The following PTPRD variants were observed in gnomAD, a reference collection of about 807,000 sequenced individuals.
PTPRD encodes the protein receptor-type tyrosine-protein phosphatase delta.
A neutral mutation model predicts 214.5 loss-of-function variants in PTPRD; 34 were observed. That is an observed-to-expected ratio of 0.16 (90% CI 0.12 to 0.21). The LOEUF (loss-of-function observed/expected upper bound fraction) is 0.21, where lower values mean the gene tolerates loss of function less well. Among genes scored for constraint, PTPRD ranks in the 10% least tolerant of loss-of-function variants. PTPRD has a pLI of 1.00. For synonymous variants in PTPRD, 1,128 were observed against 845.7 expected (o/e 1.33, Z -5.79); for missense variants, 2,545 against 2,398.7 (o/e 1.06, Z -1.27).
At chr9:8,764,889 CATTTAATA>C (rs2154479385) in intron 11 of PTPRD, among the ~76,000 whole-genome samples, 1 of 151,808 alleles carries the variant, frequency 6.6e-6, no homozygotes, top group African/African-American at 2.4e-5. Context: ...AATATGTAAT[CATTTAATA>C]ATTAAACACA....
At chr9:8,421,098 T>C (rs2131580324) in intron 35 of PTPRD, among the ~76,000 whole-genome samples, 1 of 152,248 alleles carries the variant, frequency 6.6e-6, no homozygotes, top group African/African-American at 2.4e-5. Context: ...CAGTAGTAGT[T>C]AAGAGTTATA....
At chr9:8,459,415 T>C (rs779642030) in intron 33 of PTPRD, among the ~76,000 whole-genome samples, 4 of 151,948 alleles carry the variant, frequency 2.6e-5, no homozygotes, top group Admixed American at 6.6e-5. Context: ...AAAATACAAT[T>C]TGGATTGGAA....
At chr9:8,697,028 A>G (rs931729762) in intron 12 of PTPRD, among the ~76,000 whole-genome samples, 2 of 152,226 alleles carry the variant, frequency 1.3e-5, no homozygotes, top group South Asian at 4.1e-4. Context: ...GAACAACAGT[A>G]ACAGTTTCTG....
At chr9:8,507,211 T>G (rs2097560432) in intron 22 of PTPRD, 90 bp downstream of exon 22, 2 of 1,443,550 alleles carry the variant, frequency 1.4e-6, no homozygotes, top group African/African-American at 1.4e-5. Flanking sequence ...TCAATAGCTC[T>G]CTGACCAAGA....
chr9:8,330,652 C>A (rs10739155), intron 44 of PTPRD, among the ~76,000 whole-genome samples: 54,714 of 151,936 alleles, frequency 0.36, 10,310 homozygotes, highest in South Asian at 0.55. Context: ...GACTTTAAAC[C>A]TCAGCTAAGA....
chr9:9,988,953 C>A (rs1038167486), intron 4 of PTPRD, among the ~76,000 whole-genome samples: 1 of 122,346 alleles, frequency 8.2e-6, no homozygotes, highest in Admixed American at 1.1e-4. Flanking sequence ...AATGACTGTA[C>A]AACATATGTA....
chr9:9,064,581 TA>T, intron 10 of PTPRD, among the ~76,000 whole-genome samples: 1 of 152,244 alleles, frequency 6.6e-6, no homozygotes, highest in South Asian at 2.1e-4. Context: ...CATCAAGGGA[TA>T]AAAAAGTCCA....
At chr9:10,146,243 GCATA>G (rs2099022090) in intron 3 of PTPRD, among the ~76,000 whole-genome samples, 1 of 120,388 alleles carries the variant, frequency 8.3e-6, no homozygotes, top group African/African-American at 3.2e-5. Context: ...ATCCATCCAT[GCATA>G]CATACATACA....
intron 12 of PTPRD, among the ~76,000 whole-genome samples, chr9:8,671,301 C>T (rs1484092837): frequency 6.6e-6 from 1 of 151,838 alleles, no homozygotes. Context: ...ATTTAAAATA[C>T]AACTAAAGTA....
chr9:9,071,851 T>C (rs965104073), intron 10 of PTPRD, among the ~76,000 whole-genome samples: 49 of 152,154 alleles, frequency 3.2e-4, no homozygotes. Flanking sequence ...TACTCTAATA[T>C]AGAAAAGTAA....
At chr9:9,171,093 A>G (rs771873983) in intron 10 of PTPRD, among the ~76,000 whole-genome samples, 1 of 152,176 alleles carries the variant, frequency 6.6e-6, no homozygotes, top group Non-Finnish European at 1.5e-5. Flanking sequence ...AACATTACAA[A>G]TTGAAAGTCA....
chr9:8,660,125 C>T (rs2097007200), intron 12 of PTPRD, among the ~76,000 whole-genome samples: 1 of 152,290 alleles, frequency 6.6e-6, no homozygotes, highest in South Asian at 2.1e-4. Flanking sequence ...AAAAAGCAAA[C>T]ATACCCACCT....
intron 11 of PTPRD, among the ~76,000 whole-genome samples, chr9:8,781,708 C>T (rs1599602263): frequency 2.6e-5 from 4 of 152,286 alleles, no homozygotes; most frequent in African/African-American, 9.6e-5. Flanking sequence ...CTTAATCAGA[C>T]TGTGCAGGGG....
At chr9:9,658,519 T>C (rs1324319677) in intron 7 of PTPRD, among the ~76,000 whole-genome samples, 1 of 152,006 alleles carries the variant, frequency 6.6e-6, no homozygotes, top group East Asian at 1.9e-4. Context: ...GATAACTGTT[T>C]GTAAAGCTAG....
rs1179076193 is a variant in PTPRD at position 8,662,736 on chromosome 9, G to C, written c.65-25892C>G. 3.9e-5 allele frequency among the ~76,000 whole-genome samples: 6 copies of C among 152,040 alleles called. 1 individual carries two copies. Among genetic ancestry groups the C allele is most frequent in the African/African-American group, 2.4e-5 (1 of 41,376 alleles). On this transcript the variant is annotated intron_variant, in intron 12 of 45. Coordinates refer to ENST00000381196, the MANE Select transcript of PTPRD (RefSeq NM_002839.4). ...TTTTATCTGGACCCTGTAAGCATCT[G>C]AATTTGTGATTCTCAAACTTTTATC...
chr9:8,480,252 C>T (rs536883742), intron 30 of PTPRD, among the ~76,000 whole-genome samples: 2 of 152,156 alleles, frequency 1.3e-5, no homozygotes, highest in Non-Finnish European at 2.9e-5. Context: ...GACGCTCTAT[C>T]CTCTGAGTGA....
At chr9:10,185,190 C>T (rs2099324073) in intron 3 of PTPRD, among the ~76,000 whole-genome samples, 2 of 152,088 alleles carry the variant, frequency 1.3e-5, no homozygotes, top group African/African-American at 2.4e-5. Context: ...TATATGAGGT[C>T]CCAGCTGTTT....
intron 3 of PTPRD, among the ~76,000 whole-genome samples, chr9:10,236,541 T>C (rs2099629503): frequency 6.6e-6 from 1 of 151,954 alleles, no homozygotes; most frequent in Non-Finnish European, 1.5e-5. Context: ...CACATTCTAT[T>C]ATATTTGCAG....
At chr9:8,779,737 G>C (rs1181818201) in intron 11 of PTPRD, among the ~76,000 whole-genome samples, 3 of 151,706 alleles carry the variant, frequency 2.0e-5, no homozygotes, top group African/African-American at 2.4e-5. Context: ...CAGCCAAATC[G>C]TGGGGTTTTG....
Sources: gnomAD v4.1 joint callset for allele counts (sites outside exome capture counted in the v4.1 genomes callset) on GRCh38, gnomAD v4.1.1 for gene constraint, MANE v1.5 for transcripts, NCBI Gene and HGNC (gene_info 2026-07-23, HGNC 2026-07-21) for gene names.